The following ZNF398 variants were observed in gnomAD, a reference collection of about 807,000 sequenced individuals.
ZNF398 encodes the protein zinc finger protein 398, also known as zinc finger DNA binding protein ZER6.
In ZNF398, 18 loss-of-function variants were observed where a neutral mutation model predicts 41.9. The observed-to-expected ratio is 0.43, with a 90% CI of 0.30 to 0.64. The LOEUF is 0.64. Among genes scored for constraint, ZNF398 ranks in the 30% least tolerant of loss-of-function variants. The pLI, the probability that ZNF398 is intolerant of heterozygous loss-of-function variation, is 0.14. For synonymous variants in ZNF398, 260 were observed against 308.8 expected (o/e 0.84, Z 1.66); for missense variants, 669 against 822.8 (o/e 0.81, Z 2.29).
chr7:149,179,196 C>T lies in ZNF398; in HGVS notation c.1324C>T (p.Leu442Phe), dbSNP rs1563167892. 6.2e-7 allele frequency: 1 copy of T among 1,613,622 alleles called. No individual in the cohort carries two copies. The change falls in exon 6 of 6, where the codon CTC becomes TTC. Residue 442 changes from leucine (L) to phenylalanine (F), a missense_variant. Leu to Phe is a conservative substitution (Grantham distance 22). Coordinates refer to ENST00000475153, the MANE Select transcript of ZNF398 (RefSeq NM_170686.3). This position sits in a 1 kb window ranked among gnomAD's most constrained non-coding sequence, Gnocchi z 6.1. ...CPKRFADQARLTSHRRAHASE... is the reference protein window; with the variant it reads ...CPKRFADQARFTSHRRAHASE... Reference sequence around the variant, plus strand: ...CAAGCGCTTTGCTGACCAGGCTCGACTCACCAGCCACCGGAGAGCTCATGC... The same window carrying T: ...CAAGCGCTTTGCTGACCAGGCTCGATTCACCAGCCACCGGAGAGCTCATGC...
chr7:149,151,330 G>C, intron 1 of ZNF398: 1 of 1,066,862 alleles, frequency 9.4e-7, no homozygotes, highest in Admixed American at 3.7e-5. Flanking sequence ...TGACTGATGT[G>C]ATCAATTAGA....
chr7:149,179,739 A>G lies in ZNF398; in HGVS notation c.1867A>G (p.Asn623Asp), dbSNP rs1795551696. 1 of 1,613,372 alleles carries G rather than the reference A, an allele frequency of 6.2e-7. No homozygotes were observed. The highest frequency in any genetic ancestry group is 1.1e-5 in the South Asian group (1 of 90,936). The change falls in exon 6 of 6, where the codon AAC becomes GAC. Residue 623 changes from asparagine to aspartate, a missense_variant. Around this residue, in one of 3 missense-constraint regions of ZNF398, gnomAD observed 210 missense variants for 290.4 expected, o/e 0.72. Coordinates refer to ENST00000475153, the MANE Select transcript of ZNF398 (RefSeq NM_170686.3). This position sits in a 1 kb window ranked among gnomAD's most constrained non-coding sequence, Gnocchi z 6.1. The stretch of plus-strand genomic sequence containing the variant: ...GCTTGAAACTTCTGGCCTGGGTGTC[A>G]ACACTGAAGGTCTAGAGACCAACCA... ...TGLETSGLGVNTEGLETNQWY... is the reference protein window; with the variant it reads ...TGLETSGLGVDTEGLETNQWY...
chr7:149,152,674 G>T (rs1794874999), intron 1 of ZNF398, among the ~76,000 whole-genome samples: 1 of 149,894 alleles, frequency 6.7e-6, no homozygotes, highest in South Asian at 2.1e-4. Flanking sequence ...TCAAGCGATT[G>T]TCCTGCCTCA....
chr7:149,176,582 G>T lies in ZNF398; in HGVS notation c.775+1G>T, dbSNP rs1795464919. ...GACGTGTACAAAAGCACTTATGCTG[G>T]TGAGTATGAAATTAAAGAGGTGTTC... is the stretch of plus-strand genomic sequence containing the variant. On this transcript the variant is annotated splice_donor_variant, in intron 5 of 5. Coordinates refer to ENST00000475153, the MANE Select transcript of ZNF398 (RefSeq NM_170686.3). LOFTEE classifies it high-confidence loss of function. 6.3e-7 allele frequency: 1 copy of T among 1,592,202 alleles called. No homozygotes were observed. The highest frequency in any genetic ancestry group is 8.6e-7 in the Non-Finnish European group (1 of 1,168,884).
Position 149,128,780 on chromosome 7 carries a change from T to TAAAATAAAATAAAATAAAATAAAATTA in ZNF398, c.-611-43_-611-42insAAAATAAAATAAAATAAAATAAAATTA, listed in dbSNP as rs71192757. ...AAAAATAAAATAAAATAAAATAAAA[T>TAAAATAAAATAAAATAAAATAAAATTA]TATATATATATATATATTGTTTGTT... On this transcript the variant is annotated intron_variant, in intron 1 of 6. Coordinates refer to the ZNF398 transcript ENST00000426851. 651 of 143,334 alleles carry TAAAATAAAATAAAATAAAATAAAATTA rather than the reference T, an allele frequency of 4.5e-3. 11 individuals are homozygous for TAAAATAAAATAAAATAAAATAAAATTA. Among genetic ancestry groups the TAAAATAAAATAAAATAAAATAAAATTA allele is most frequent in the African/African-American group, 0.015 (574 of 37,740 alleles). 8.9% of individuals were successfully genotyped at this position (143,334 alleles called of 1,614,324 possible).
intron 4 of ZNF398, among the ~76,000 whole-genome samples, chr7:149,174,727 G>A (rs1304466134): frequency 1.3e-5 from 2 of 152,144 alleles, no homozygotes; most frequent in African/African-American, 2.4e-5. Context: ...TAGGGAGACC[G>A]AGGTGGAATA....
intron 2 of ZNF398, among the ~76,000 whole-genome samples, chr7:149,155,710 T>A (rs1160123218): frequency 0.011 from 217 of 20,160 alleles, no homozygotes; most frequent in African/African-American, 0.017. Flanking sequence ...TATATATATT[T>A]TTTTTTTTTT....
Position 149,166,950 on chromosome 7 carries a change from C to T in ZNF398, c.661+20C>T. 1 of 1,547,530 alleles carries T rather than the reference C, an allele frequency of 6.5e-7. No homozygotes were observed. Among genetic ancestry groups the T allele is most frequent in the Non-Finnish European group, 8.9e-7 (1 of 1,128,592 alleles). On this transcript the variant is annotated intron_variant, in intron 4 of 5. Coordinates refer to ENST00000475153, the MANE Select transcript of ZNF398 (RefSeq NM_170686.3). ...GTGAAGGTAAGTGGGAGAAGAGATT[C>T]CTACTTCTTGTCTCCCTTTCCTGGT...
chr7:149,178,341 T>C (rs1795511890), intron 5 of ZNF398, among the ~76,000 whole-genome samples: 1 of 152,136 alleles, frequency 6.6e-6, no homozygotes, highest in African/African-American at 2.4e-5. Context: ...TAATCCCAGC[T>C]ACTCAGGAGG....
chr7:149,167,066 A>G (rs1795239953), intron 4 of ZNF398, 136 bp downstream of exon 4: 2 of 602,636 alleles, frequency 3.3e-6, no homozygotes, highest in Non-Finnish European at 2.9e-6. Flanking sequence ...GTCATCAGGC[A>G]TTTAAATATA....
At chr7:149,145,467 A>G (rs1477721951), upstream of ZNF398, among the ~76,000 whole-genome samples, 1 of 152,194 alleles carries the variant, frequency 6.6e-6, no homozygotes, top group Non-Finnish European at 1.5e-5. Context: ...TTCAGACATC[A>G]GACTAAGAAT....
At position 149,166,606 on chromosome 7, in the gene ZNF398, A is replaced by G. The variant is rs116740762; in HGVS notation, c.548-211A>G. Among the ~76,000 whole-genome samples, 1,479 of 152,324 alleles carry G rather than the reference A, an allele frequency of 9.7e-3. 28 individuals carry two copies. Among genetic ancestry groups the G allele is most frequent in the African/African-American group, 0.033 (1,386 of 41,556 alleles). ...TCTGAAAGCAGTGCTAACCTAGCAC[A>G]TGTGCTTTCCCCACACATTACATCT... On this transcript the variant is annotated intron_variant, in intron 3 of 5. Coordinates refer to ENST00000475153, the MANE Select transcript of ZNF398 (RefSeq NM_170686.3).
At chr7:149,151,351 C>G in intron 1 of ZNF398, 4 of 845,170 alleles carry the variant, frequency 4.7e-6, no homozygotes, top group Non-Finnish European at 4.6e-6. Flanking sequence ...GAAAAAAAGC[C>G]AGGAACGGGC....
intron 4 of ZNF398, among the ~76,000 whole-genome samples, chr7:149,173,014 G>A (rs888288064): frequency 3.3e-5 from 5 of 151,850 alleles, no homozygotes; most frequent in Admixed American, 6.6e-5. Flanking sequence ...TGCTAGTGGC[G>A]GGTCTTGCCT....
At chr7:149,127,689 C>T (rs1230986719) in intron 1 of ZNF398, among the ~76,000 whole-genome samples, 5 of 152,000 alleles carry the variant, frequency 3.3e-5, no homozygotes, top group Non-Finnish European at 5.9e-5. Context: ...TGCACTCCAG[C>T]CTGGGCGACA....
intron 2 of ZNF398, among the ~76,000 whole-genome samples, chr7:149,155,928 A>G (rs1249989599): frequency 6.6e-6 from 1 of 151,378 alleles, no homozygotes; most frequent in African/African-American, 2.4e-5. Flanking sequence ...GGGTTTCACC[A>G]TGTTAGCCAG....
rs186792793 is a variant in ZNF398, at chr7:149,164,823, C to T, written c.421-1335C>T. On this transcript the variant is annotated intron_variant, in intron 2 of 5. Coordinates refer to ENST00000475153, the MANE Select transcript of ZNF398 (RefSeq NM_170686.3). ...AAAAGAAATTGTGGGAGGCCGGGCA[C>T]GGTGGCTCACACCTGTAATCCCAGC... Among the ~76,000 whole-genome samples, 438 of 152,160 alleles carry T rather than the reference C, an allele frequency of 2.9e-3. 1 individual carries two copies. Among genetic ancestry groups the T allele is most frequent in the African/African-American group, 8.6e-3 (358 of 41,504 alleles).
intron 4 of ZNF398, among the ~76,000 whole-genome samples, chr7:149,167,704 G>A (rs149852684): frequency 1.4e-5 from 2 of 140,896 alleles, no homozygotes; most frequent in East Asian, 4.1e-4. Context: ...TCCGTCTCCT[G>A]GGTTCACGCC....
Position 149,177,581 on chromosome 7 carries a change from A to G in ZNF398, c.775+1000A>G, listed in dbSNP as rs59636683. On this transcript the variant is annotated intron_variant, in intron 5 of 5. Coordinates refer to ENST00000475153, the MANE Select transcript of ZNF398 (RefSeq NM_170686.3). ...GATGGGGAGAGAGGGGTAGCATTCTACAAAAGGGAGGACAGAGTAAGTCAA... is the reference window on the plus strand; with the variant it reads ...GATGGGGAGAGAGGGGTAGCATTCTGCAAAAGGGAGGACAGAGTAAGTCAA... Among the ~76,000 whole-genome samples, 1,330 of 152,328 alleles carry G rather than the reference A, an allele frequency of 8.7e-3. 9 individuals carry two copies. The highest frequency in any genetic ancestry group is 0.015 in the African/African-American group (639 of 41,584).
Sources: allele counts gnomAD v4.1 joint callset (sites outside exome capture counted in the v4.1 genomes callset), GRCh38; gene constraint gnomAD v4.1.1; regional missense constraint gnomAD v4.1.1; non-coding constraint Gnocchi (gnomAD v3.1); transcripts MANE v1.5; gene names NCBI Gene and HGNC (gene_info 2026-07-23, HGNC 2026-07-21).